Variants in C18orf54 observed in about 807,000 individuals in gnomAD.
The protein encoded by C18orf54 is chromosome 18 open reading frame 54.
A neutral mutation model predicts 49.3 loss-of-function variants in C18orf54; 49 were observed. That is an observed-to-expected ratio of 0.99 (90% CI 0.79 to 1.26). The LOEUF (loss-of-function observed/expected upper bound fraction) is 1.26, where lower values mean the gene tolerates loss of function less well. C18orf54 is among the 50% of genes most tolerant of loss of function. The pLI is 0.00. For synonymous variants in C18orf54, 211 were observed against 216.6 expected (o/e 0.97, Z 0.23); for missense variants, 687 against 620.6 (o/e 1.11, Z -1.14).
intron 5 of C18orf54, among the ~76,000 whole-genome samples, chr18:54,365,059 G>A (rs1007839358): frequency 6.6e-6 from 1 of 151,926 alleles, no homozygotes; most frequent in Non-Finnish European, 1.5e-5. Context: ...GGAAAGAAAT[G>A]GGTATTTATT....
intron 5 of C18orf54, among the ~76,000 whole-genome samples, 179 bp from the exon 6 acceptor site, chr18:54,365,540 G>A (rs1189776035): frequency 6.6e-6 from 1 of 151,752 alleles, no homozygotes; most frequent in Non-Finnish European, 1.5e-5. Context: ...GTTGGATTCT[G>A]GTATCAGTTT....
At chr18:54,364,146 TA>T (rs199945094) in intron 5 of C18orf54, among the ~76,000 whole-genome samples, 110,145 of 150,406 alleles carry the variant, frequency 0.73, 40,711 homozygotes, top group African/African-American at 0.86. Context: ...TATATATACA[TA>T]TTTTTTTTAA....
intron 6 of C18orf54, among the ~76,000 whole-genome samples, chr18:54,366,819 A>T (rs2089396791): frequency 6.6e-6 from 1 of 151,508 alleles, no homozygotes; most frequent in East Asian, 1.9e-4. Context: ...TGTTTAATAA[A>T]AAAAAAGTCC....
chr18:54,360,211 T>G (rs2089235760), intron 2 of C18orf54, among the ~76,000 whole-genome samples: 1 of 152,038 alleles, frequency 6.6e-6, no homozygotes. Flanking sequence ...AGAAAAGAGG[T>G]TCATAAGTAG....
chr18:54,376,402 T>C (rs2089570553), intron 8 of C18orf54, among the ~76,000 whole-genome samples: 1 of 152,242 alleles, frequency 6.6e-6, no homozygotes, highest in Non-Finnish European at 1.5e-5. Context: ...TTTCGCCATG[T>C]TGGCCAGGCT....
chr18:54,364,642 T>C (rs1016203844), intron 5 of C18orf54, among the ~76,000 whole-genome samples: 1 of 152,122 alleles, frequency 6.6e-6, no homozygotes, highest in African/African-American at 2.4e-5. Context: ...AAGAAACTTT[T>C]TATTATGGAA....
At chr18:54,363,688 A>G (rs2089319401) in intron 5 of C18orf54, among the ~76,000 whole-genome samples, 1 of 151,996 alleles carries the variant, frequency 6.6e-6, no homozygotes. Flanking sequence ...ATGATGGTAC[A>G]TTTTCTATTA....
Position 54,378,207 on chromosome 18 carries a change from G to C in C18orf54, c.1563G>C (p.Leu521=). 6.2e-7 allele frequency: 1 copy of C among 1,613,494 alleles called. No homozygotes were observed. The highest frequency in any genetic ancestry group is 8.5e-7 in the Non-Finnish European group (1 of 1,179,678). The change falls in exon 9 of 9, where the codon CTG becomes CTC. Residue 521 remains leucine (L), a synonymous_variant. Transcript: ENST00000620105. The part of the protein sequence containing the change: ...ALHHLSRLRD[L]VDDTNGERSP... The stretch of plus-strand genomic sequence containing the variant: ...ACCATTTATCTCGCCTGAGAGACCT[G>C]GTTGATGATACGAATGGAGAACGGT...
At chr18:54,372,726 CAGT>C in intron 7 of C18orf54, 129 bp downstream of exon 7, 2 of 826,930 alleles carry the variant, frequency 2.4e-6, no homozygotes. Context: ...TTGTAAGTGG[CAGT>C]AGTTTTTTTT....
chr18:54,364,766 G>A (rs1181234780), intron 5 of C18orf54, among the ~76,000 whole-genome samples: 1 of 152,006 alleles, frequency 6.6e-6, no homozygotes, highest in South Asian at 2.1e-4. Context: ...TGTTAGCAAA[G>A]AATAGGGGAA....
In C18orf54 at chr18:54,380,311, A is replaced by C. The variant is rs1481741867; in HGVS notation, c.*2065A>C. 1 of 152,050 alleles carries C rather than the reference A, an allele frequency of 6.6e-6. No individual in the cohort carries two copies. The highest frequency in any genetic ancestry group is 1.5e-5 in the Non-Finnish European group (1 of 67,910). The allele number at this position is 152,050 out of a possible 1,614,324, so 9.4% of individuals were successfully genotyped here. A position where few individuals can be genotyped will look rare whatever the true frequency, so the allele number is the denominator to read the frequency against. On this transcript the variant is annotated 3_prime_UTR_variant, in exon 9 of 9. Transcript: ENST00000620105. ...AACAAATGAGAACATAAGATTTTTA[A>C]AATTGCATTGTGAATGTAAAATTTT...
chr18:54,360,165 T>G (rs1416133921), intron 2 of C18orf54, among the ~76,000 whole-genome samples: 5 of 152,202 alleles, frequency 3.3e-5, no homozygotes, highest in Admixed American at 3.3e-4. Context: ...AGGGGAATAT[T>G]AGGTATTGTG....
At position 54,362,410 on chromosome 18, in the gene C18orf54, C is replaced by A; in HGVS notation, c.1051C>A (p.Gln351Lys). Residue 351 changes from glutamine to lysine, a missense_variant, in exon 4 of 9, where the codon CAA becomes AAA. Gln to Lys is a moderately conservative substitution (Grantham distance 53). Coordinates refer to ENST00000620105, the MANE Select transcript of C18orf54 (RefSeq NM_001288980.2). ...CQCENPLLPGQSTKPFSGDKI... is the reference protein window; with the variant it reads ...CQCENPLLPGKSTKPFSGDKI... Reference sequence around the variant, plus strand: ...ATGTGAGAATCCACTTCTCCCAGGACAATCCACAAAGCCATTCAGTGGTAA... The same window carrying A: ...ATGTGAGAATCCACTTCTCCCAGGAAAATCCACAAAGCCATTCAGTGGTAA... The A allele has an allele frequency of 6.6e-7, 1 of 1,522,784 alleles. No individual in the cohort carries two copies. Among genetic ancestry groups the A allele is most frequent in the Non-Finnish European group, 8.8e-7 (1 of 1,139,858 alleles). 94.3% of individuals were successfully genotyped at this position (1,522,784 alleles called of 1,614,324 possible). A position where few individuals can be genotyped will look rare whatever the true frequency, so the allele number is the denominator to read the frequency against.
chr18:54,363,768 A>G (rs952366306), intron 5 of C18orf54: 1 of 151,896 alleles, frequency 6.6e-6, no homozygotes, highest in East Asian at 1.9e-4. Flanking sequence ...TTAGTTGTCT[A>G]AACTTTCATT....
chr18:54,361,875 A>G lies in C18orf54; in HGVS notation c.516A>G (p.Gly172=). The change falls in exon 4 of 9, where the codon GGA becomes GGG. Residue 172 remains glycine, a synonymous_variant. Coordinates refer to ENST00000620105, the MANE Select transcript of C18orf54 (RefSeq NM_001288980.2). The part of the protein sequence containing the change: ...LDIEKNPHFQ[G]PYTSMGKDNF... ...TTGAGAAGAATCCACATTTTCAAGG[A>G]CCCTACACTTCCATGGGCAAGGATA... The G allele has an allele frequency of 6.2e-7, 1 of 1,614,016 alleles. No individual in the cohort carries two copies. The highest frequency in any genetic ancestry group is 8.5e-7 in the Non-Finnish European group (1 of 1,179,978).
chr18:54,372,916 T>A (rs1423557751), intron 7 of C18orf54, among the ~76,000 whole-genome samples: 1 of 151,956 alleles, frequency 6.6e-6, no homozygotes, highest in Non-Finnish European at 1.5e-5. Context: ...TTAATCTATG[T>A]GGCCCATCTT....
intron 5 of C18orf54, 149 bp downstream of exon 5, chr18:54,363,070 CATTT>C (rs2089304625): frequency 1.4e-6 from 1 of 730,032 alleles, no homozygotes; most frequent in East Asian, 2.9e-5. Flanking sequence ...TTGCATTTTT[CATTT>C]ATTACCACAA....
At chr18:54,364,457 G>A (rs2089339223) in intron 5 of C18orf54, among the ~76,000 whole-genome samples, 1 of 152,000 alleles carries the variant, frequency 6.6e-6, no homozygotes, top group African/African-American at 2.4e-5. Context: ...AATTTATATT[G>A]TGAAGGGAAT....
intron 2 of C18orf54, 86 bp from the exon 3 acceptor site, chr18:54,360,441 A>G: frequency 1.2e-6 from 1 of 800,774 alleles, no homozygotes. Flanking sequence ...TTTAAAGAAA[A>G]TTACAAAAGG....
Sources: allele counts gnomAD v4.1 joint callset (sites outside exome capture counted in the v4.1 genomes callset), GRCh38; gene constraint gnomAD v4.1.1; transcripts MANE v1.5; gene names NCBI Gene and HGNC (gene_info 2026-07-23, HGNC 2026-07-21).